The following AGFG2 variants were observed in gnomAD, a reference collection of about 807,000 sequenced individuals.
AGFG2 encodes the protein arf-GAP domain and FG repeat-containing protein 2.
In AGFG2, 31 loss-of-function variants were observed where a neutral mutation model predicts 48.0. The ratio of observed to expected loss-of-function variants is 0.65; its 90% CI spans 0.49 to 0.87. The LOEUF (loss-of-function observed/expected upper bound fraction) is 0.87, where lower values mean the gene tolerates loss of function less well. Ranked by LOEUF, AGFG2 falls within the 40% of genes least tolerant of loss-of-function variation. AGFG2 has a pLI of 0.00. For missense variants in AGFG2, 599 were observed against 632.6 expected (o/e 0.95, Z 0.57); for synonymous variants, 229 against 260.8 (o/e 0.88, Z 1.18).
chr7:100,563,603 C>T (rs1054209743), intron 9 of AGFG2, among the ~76,000 whole-genome samples: 5 of 152,196 alleles, frequency 3.3e-5, no homozygotes, highest in African/African-American at 9.7e-5. Flanking sequence ...AGTCCTGCAC[C>T]GCGCCCGTGC....
In AGFG2 at chr7:100,564,220, TCTTC is replaced by T; in HGVS notation, c.1308_1311del (p.Phe437GlyfsTer3). 6.2e-7 allele frequency: 1 copy of T among 1,611,226 alleles called. No individual in the cohort carries two copies. Among genetic ancestry groups the T allele is most frequent in the Non-Finnish European group, 8.5e-7 (1 of 1,178,706 alleles). On this transcript the variant is annotated frameshift_variant, in exon 11 of 12. Transcript: ENST00000300176. LOFTEE classifies it high-confidence loss of function. ...GAGTGACTGCTCTCGCCCCCTAGGC[TCTTC>T]CTTCGGGGACTTAGGATCAGCCAAG...
At position 100,559,085 on chromosome 7, in the gene AGFG2, G is replaced by A. The variant is rs528533754; in HGVS notation, c.878-3174G>A. On this transcript the variant is annotated intron_variant, in intron 6 of 11. Coordinates refer to ENST00000300176, the MANE Select transcript of AGFG2 (RefSeq NM_006076.5). ...GGAGGCTGAGGTAGCAGTGAGCTGA[G>A]ATTGCGCCACTGCACTCTGGGTGAC... Among the ~76,000 whole-genome samples the A allele has an allele frequency of 5.9e-5, 9 of 152,220 alleles. No individual in the cohort carries two copies. In the South Asian group the frequency reaches 1.2e-3, roughly 21 times the overall value.
rs571771169 is a variant in AGFG2 at position 100,562,494 on chromosome 7, C to G, written c.999-100C>G. The G allele has an allele frequency of 5.6e-4, 889 of 1,601,544 alleles. 3 individuals are homozygous for G. The African/African-American group carries it at 0.011, about 19-fold the overall frequency. On this transcript the variant is annotated intron_variant, in intron 7 of 11. Coordinates refer to ENST00000300176, the MANE Select transcript of AGFG2 (RefSeq NM_006076.5). The surrounding 1 kb of genome is among the most constrained non-coding windows in gnomAD (Gnocchi z 5.4). ...GCAGTTCTCCCCTCCCCTCCTCTCC[C>G]TTACTCACCCTGGAGAGCAGGGTTG...
intron 1 of AGFG2, among the ~76,000 whole-genome samples, chr7:100,543,253 CG>C (rs1800455737): frequency 6.6e-6 from 1 of 151,978 alleles, no homozygotes. Flanking sequence ...TTAGTAGAGA[CG>C]GGGTTTCACC....
In AGFG2 at chr7:100,539,401, A is replaced by AAGGCGG. The variant is rs750507366; in HGVS notation, c.68_73dup (p.Glu23_Ala24dup). The AAGGCGG allele has an allele frequency of 9.4e-5, 123 of 1,308,440 alleles. No individual in the cohort carries two copies. Among genetic ancestry groups the AAGGCGG allele is most frequent in the East Asian group, 3.1e-4 (10 of 32,258 alleles). 81.1% of individuals were successfully genotyped at this position (1,308,440 alleles called of 1,614,324 possible). A position where few individuals can be genotyped will look rare whatever the true frequency, so the allele number is the denominator to read the frequency against. ...CCCGGGCGGCGGGGTCAGCGGGGGC[A>AAGGCGG]AGGCGGAGGCGGAGGCGGCCTCGGA... is the stretch of plus-strand genomic sequence containing the variant. On this transcript the variant is annotated inframe_insertion, in exon 1 of 12. Transcript: ENST00000300176.
At chr7:100,540,671 A>AT (rs1800405913) in intron 1 of AGFG2, among the ~76,000 whole-genome samples, 1 of 152,154 alleles carries the variant, frequency 6.6e-6, no homozygotes, top group African/African-American at 2.4e-5. Context: ...TATTTTGACA[A>AT]TTTTTTAGTC....
At chr7:100,542,223 T>G (rs901718489) in intron 1 of AGFG2, among the ~76,000 whole-genome samples, 16 of 152,058 alleles carry the variant, frequency 1.1e-4, no homozygotes, top group Non-Finnish European at 2.2e-4. Context: ...GCCATGTTGG[T>G]CAGGCTGGTC....
chr7:100,559,882 A>G (rs1800828888), intron 6 of AGFG2, among the ~76,000 whole-genome samples: 1 of 151,224 alleles, frequency 6.6e-6, no homozygotes, highest in African/African-American at 2.4e-5. Flanking sequence ...TTCTTGGGCC[A>G]CCGCCTCCTT....
chr7:100,553,264 TC>T, intron 3 of AGFG2, 82 bp from the exon 4 acceptor site: 1 of 1,520,316 alleles, frequency 6.6e-7, no homozygotes, highest in South Asian at 1.2e-5. Flanking sequence ...AGATTTTGAC[TC>T]CTGTGTCTTC....
chr7:100,553,573 T>TTCCCCGG (rs1382049340), intron 4 of AGFG2, 73 bp downstream of exon 4: 1 of 1,518,814 alleles, frequency 6.6e-7, no homozygotes, highest in African/African-American at 1.4e-5. Context: ...CTGAATCAGA[T>TTCCCCGG]TCCCCGGACT....
intron 1 of AGFG2, among the ~76,000 whole-genome samples, chr7:100,543,036 A>G (rs1440574154): frequency 6.6e-6 from 1 of 152,114 alleles, no homozygotes; most frequent in Non-Finnish European, 1.5e-5. Flanking sequence ...TACCAAACTG[A>G]GGTATGATGC....
chr7:100,566,830 A>G lies in AGFG2; in HGVS notation c.*1839A>G, dbSNP rs1056413155. On this transcript the variant is annotated 3_prime_UTR_variant, in exon 12 of 12. Transcript: ENST00000300176. ...CCCTAGATTATCTCTGTGTCCCTCT[A>G]CCTAATTCTCTTACCAGTTCTTTCC... 2.0e-5 allele frequency: 3 copies of G among 151,368 alleles called. No individual in the cohort carries two copies. Among genetic ancestry groups the G allele is most frequent in the African/African-American group, 7.3e-5 (3 of 41,074 alleles). The allele number at this position is 151,368 out of a possible 1,614,324, so 9.4% of individuals were successfully genotyped here.
In AGFG2 at chr7:100,563,910, C is replaced by A; in HGVS notation, c.1248C>A (p.Ser416=). The A allele has an allele frequency of 6.2e-7, 1 of 1,609,708 alleles. No individual in the cohort carries two copies. Among genetic ancestry groups the A allele is most frequent in the Non-Finnish European group, 8.5e-7 (1 of 1,180,004 alleles). ...CACCCACTGGGGCCTTTGCCAGCTC[C>A]TTCCCAGCACCGCTGTTCCCCCCGC... The part of the protein sequence containing the change: ...AVPPTGAFAS[S]FPAPLFPPQT... Residue 416 remains serine (S), a synonymous_variant, in exon 10 of 12, where the codon TCC becomes TCA. Transcript: ENST00000300176.
At position 100,565,153 on chromosome 7, in the gene AGFG2, T is replaced by C. The variant is rs1012129304; in HGVS notation, c.*162T>C. On this transcript the variant is annotated 3_prime_UTR_variant, in exon 12 of 12. Transcript: ENST00000300176. ...AGGTGAAAGGTGGCTGCCCTCAGAT[T>C]CCACAAAGCCTCTCTCCCCTCCCTC... The C allele has an allele frequency of 4.9e-6, 4 of 810,518 alleles. No individual in the cohort carries two copies. In the Admixed American group the frequency reaches 6.6e-5, roughly 13 times the overall value. 50.2% of individuals were successfully genotyped at this position (810,518 alleles called of 1,614,324 possible).
rs1344755715 is a variant in AGFG2 at position 100,552,792 on chromosome 7, G to A, written c.432-555G>A. 3.3e-5 allele frequency among the ~76,000 whole-genome samples: 5 copies of A among 152,150 alleles called. No individual in the cohort carries two copies. The East Asian group carries it at 7.7e-4, about 23-fold the overall frequency. On this transcript the variant is annotated intron_variant, in intron 3 of 11. Transcript: ENST00000300176. The stretch of plus-strand genomic sequence containing the variant: ...GGATTGTGAGCACCTAGAGGATGAG[G>A]CGGCAGGCAGCTTTTCTATGGAGCT...
intron 2 of AGFG2, 34 bp downstream of exon 2, chr7:100,548,949 A>AC (rs72007003): frequency 0.068 from 105,383 of 1,561,166 alleles, 4,114 homozygotes; most frequent in African/African-American, 0.14. Flanking sequence ...TGAGAAGGTC[A>AC]CCTATCTGCA....
intron 6 of AGFG2, among the ~76,000 whole-genome samples, chr7:100,559,696 T>C (rs1800824107): frequency 1.3e-5 from 2 of 151,748 alleles, no homozygotes; most frequent in African/African-American, 4.8e-5. Context: ...TGCGTGCCTG[T>C]AGTCCCAGCT....
Position 100,564,935 on chromosome 7 carries a change from G to C in AGFG2, c.1390G>C (p.Gly464Arg). 1 of 1,614,050 alleles carries C rather than the reference G, an allele frequency of 6.2e-7. No homozygotes were observed. The highest frequency in any genetic ancestry group is 8.5e-7 in the Non-Finnish European group (1 of 1,179,922). ...AGISTNPFMT[G>R]PSSSPFASKP... ...ATGTATTGTTCTTTCTTTCCAGACT[G>C]GACCCTCATCAAGCCCATTCGCCTC... is the stretch of plus-strand genomic sequence containing the variant. Residue 464 changes from glycine to arginine, a missense_variant, in exon 12 of 12, where the codon GGA (glycine) becomes CGA (arginine). By Grantham distance (125) the Gly-to-Arg change is moderately radical. Coordinates refer to ENST00000300176, the MANE Select transcript of AGFG2 (RefSeq NM_006076.5).
chr7:100,539,440 C>A lies in AGFG2; in HGVS notation c.94C>A (p.Arg32=). Reference sequence around the variant, plus strand: ...GGCGGCCTCGGAGGTGTGGTGCCGTCGGGTGCGGGAGCTGGGTGGCTGCAG... The same window carrying A: ...GGCGGCCTCGGAGGTGTGGTGCCGTAGGGTGCGGGAGCTGGGTGGCTGCAG... ...AEAASEVWCR[R]VRELGGCSQA... is the part of the protein sequence containing the mutation. Residue 32 remains arginine, a synonymous_variant, in exon 1 of 12, where the codon CGG becomes AGG. Transcript: ENST00000300176. 7.6e-7 allele frequency: 1 copy of A among 1,322,630 alleles called. No individual in the cohort carries two copies. The highest frequency in any genetic ancestry group is 9.7e-7 in the Non-Finnish European group (1 of 1,032,640). 81.9% of individuals were successfully genotyped at this position (1,322,630 alleles called of 1,614,324 possible).
Sources: allele counts gnomAD v4.1 joint callset (sites outside exome capture counted in the v4.1 genomes callset), GRCh38; gene constraint gnomAD v4.1.1; non-coding constraint Gnocchi (gnomAD v3.1); transcripts MANE v1.5; gene names NCBI Gene and HGNC (gene_info 2026-07-23, HGNC 2026-07-21).